Variants in DNAI4 observed in about 807,000 individuals in gnomAD.
The protein encoded by DNAI4 is dynein axonemal intermediate chain 4, also known as WD repeat domain 78.
A neutral mutation model predicts 105.8 loss-of-function variants in DNAI4; 85 were observed. That is an observed-to-expected ratio of 0.80 (90% confidence interval 0.67 to 0.96). DNAI4 has a LOEUF of 0.96. Ranked by LOEUF, DNAI4 falls within the 40% of genes least tolerant of loss-of-function variation. The pLI is 0.00. For missense variants in DNAI4, 1,014 were observed against 1,005.6 expected (o/e 1.01, Z -0.11); for synonymous variants, 352 against 331.5 (o/e 1.06, Z -0.67).
chr1:66,860,227 C>T (rs1370041023), intron 7 of DNAI4, among the ~76,000 whole-genome samples: 1 of 152,026 alleles, frequency 6.6e-6, no homozygotes, highest in Non-Finnish European at 1.5e-5. Context: ...GAGATATGGT[C>T]TTCATTCAAA....
chr1:66,898,810 C>T (rs540074666), intron 2 of DNAI4, among the ~76,000 whole-genome samples: 4 of 152,196 alleles, frequency 2.6e-5, no homozygotes, highest in African/African-American at 9.6e-5. Context: ...TACGCCACCA[C>T]TAGTATCTTC....
intron 7 of DNAI4, among the ~76,000 whole-genome samples, chr1:66,853,484 G>A (rs1012299617): frequency 3.9e-5 from 6 of 152,188 alleles, no homozygotes; most frequent in African/African-American, 1.4e-4. Context: ...TAAAGGTGAT[G>A]GGGGTACAAC....
Position 66,924,726 on chromosome 1 carries a change from G to A in DNAI4, c.106C>T (p.Pro36Ser). The A allele has an allele frequency of 3.1e-6, 5 of 1,614,192 alleles. No individual in the cohort carries two copies. The highest frequency in any genetic ancestry group is 2.2e-5 in the South Asian group (2 of 91,082). The stretch of plus-strand genomic sequence containing the variant: ...ACTGGCATGGTGGCGACCAGCTGGG[G>A]AGTGGTGCACCACCCCTTTTTTTGG... The part of the protein sequence containing the change: ...GGQKKGWCTT[P>S]QLVATMPVSP... Residue 36 changes from proline to serine, a missense_variant, in exon 1 of 17, where the codon CCC becomes TCC. Pro to Ser is a moderately conservative substitution (Grantham distance 74, BLOSUM62 -1). Transcript: ENST00000371026.
intron 16 of DNAI4, among the ~76,000 whole-genome samples, chr1:66,821,949 T>A (rs113107853): frequency 1.2e-4 from 18 of 152,254 alleles, no homozygotes; most frequent in African/African-American, 3.6e-4. Context: ...ATAATGCTAA[T>A]CCAACAGAAA....
chr1:66,825,377 T>G (rs1645730978), intron 15 of DNAI4, among the ~76,000 whole-genome samples: 1 of 151,250 alleles, frequency 6.6e-6, no homozygotes, highest in Non-Finnish European at 1.5e-5. Context: ...GAGACGGGGT[T>G]TCACCTTGTT....
intron 4 of DNAI4, among the ~76,000 whole-genome samples, chr1:66,883,990 A>C (rs1647137181): frequency 6.6e-6 from 1 of 152,154 alleles, no homozygotes. Flanking sequence ...AATCTCCCAA[A>C]TCCCTAGCCT....
At chr1:66,904,958 GTTC>G in intron 2 of DNAI4, 1 of 399,252 alleles carries the variant, frequency 2.5e-6, no homozygotes, top group Non-Finnish European at 4.4e-6. Context: ...TAAGCAAATA[GTTC>G]TTAAGGTCAT....
At chr1:66,910,652 A>G (rs559734975) in intron 1 of DNAI4, among the ~76,000 whole-genome samples, 2 of 152,316 alleles carry the variant, frequency 1.3e-5, no homozygotes, top group African/African-American at 4.8e-5. Flanking sequence ...CTAAAATGTC[A>G]AAATTCTCTC....
At chr1:66,860,843 T>C (rs544848320) in intron 7 of DNAI4, 1 of 152,304 alleles carries the variant, frequency 6.6e-6, no homozygotes, top group East Asian at 1.9e-4. Flanking sequence ...AGCAAACCTA[T>C]TGTATAGACA....
At chr1:66,885,996 T>C (rs1356371414) in intron 4 of DNAI4, among the ~76,000 whole-genome samples, 1 of 152,220 alleles carries the variant, frequency 6.6e-6, no homozygotes, top group Non-Finnish European at 1.5e-5. Flanking sequence ...TGTTACGCCT[T>C]TTGATATTAT....
At chr1:66,845,924 G>A (rs1019345860) in intron 8 of DNAI4, among the ~76,000 whole-genome samples, 2 of 151,916 alleles carry the variant, frequency 1.3e-5, no homozygotes, top group Non-Finnish European at 2.9e-5. Context: ...AGGGTTAATA[G>A]ATATGTCCTC....
chr1:66,893,125 C>T, intron 3 of DNAI4, 104 bp downstream of exon 3: 2 of 398,332 alleles, frequency 5.0e-6, no homozygotes, highest in Non-Finnish European at 8.2e-6. Context: ...AAGAAAGAAA[C>T]TGGGAGACTG....
intron 10 of DNAI4, among the ~76,000 whole-genome samples, chr1:66,837,294 G>A (rs935220780): frequency 4.0e-5 from 6 of 148,360 alleles, no homozygotes; most frequent in African/African-American, 1.5e-4. Context: ...AACCCCGGGA[G>A]GCAGAGTTTG....
chr1:66,836,282 AAGAAAGAAAGAAAGAAAG>A (rs1392006370), intron 10 of DNAI4, among the ~76,000 whole-genome samples: 4 of 148,238 alleles, frequency 2.7e-5, no homozygotes, highest in African/African-American at 5.0e-5. Context: ...GAAAGAAAGA[AAGAAAGAAAGAAAGAAAG>A]AAAGAAAGAA....
chr1:66,836,378 T>G (rs2100447054), intron 10 of DNAI4, among the ~76,000 whole-genome samples: 1 of 151,738 alleles, frequency 6.6e-6, no homozygotes, highest in South Asian at 2.1e-4. Flanking sequence ...AGCACAGCCT[T>G]CTACAATAAT....
At chr1:66,888,044 A>G (rs1045816772) in intron 4 of DNAI4, among the ~76,000 whole-genome samples, 1 of 152,168 alleles carries the variant, frequency 6.6e-6, no homozygotes, top group Non-Finnish European at 1.5e-5. Flanking sequence ...CTAAGTATCT[A>G]TTTGTAACTT....
intron 7 of DNAI4, among the ~76,000 whole-genome samples, chr1:66,860,333 A>G (rs1646598147): frequency 6.6e-6 from 1 of 152,056 alleles, no homozygotes; most frequent in Admixed American, 6.6e-5. Flanking sequence ...TGGAATAAAA[A>G]TATTTTTTAA....
At chr1:66,867,430 C>T (rs1646756427) in intron 6 of DNAI4, among the ~76,000 whole-genome samples, 2 of 152,024 alleles carry the variant, frequency 1.3e-5, no homozygotes, top group African/African-American at 4.8e-5. Context: ...TGGATTGGTC[C>T]TCTAATTTTA....
intron 2 of DNAI4, among the ~76,000 whole-genome samples, chr1:66,895,731 T>G (rs766705506): frequency 4.3e-4 from 66 of 152,184 alleles, no homozygotes; most frequent in Non-Finnish European, 4.9e-4. Context: ...TGATTCTCAG[T>G]TTCATAAGAA....
Sources: allele counts gnomAD v4.1 joint callset (sites outside exome capture counted in the v4.1 genomes callset), GRCh38; gene constraint gnomAD v4.1.1; transcripts MANE v1.5; gene names NCBI Gene and HGNC (gene_info 2026-07-23, HGNC 2026-07-21).